PLCH2: variants seen among roughly 807,000 people sequenced by gnomAD.
PLCH2 encodes 1-phosphatidylinositol 4,5-bisphosphate phosphodiesterase eta-2.
Under a neutral mutation model 134.7 loss-of-function variants are expected in PLCH2, and 98 were observed. The observed-to-expected ratio is 0.73, with a 90% CI of 0.62 to 0.86. The LOEUF is 0.86. PLCH2 is among the 40% of genes least tolerant of loss of function. The pLI is 0.00. For missense variants in PLCH2, 1,994 were observed against 1,986.6 expected (o/e 1.00, Z -0.07); for synonymous variants, 974 against 827.5 (o/e 1.18, Z -3.04).
At chr1:2,428,407 C>T (rs867550298) in intron 1 of PLCH2, among the ~76,000 whole-genome samples, 13 of 152,220 alleles carry the variant, frequency 8.5e-5, no homozygotes, top group African/African-American at 1.9e-4. Flanking sequence ...GAAGTAAGGG[C>T]GCCACTCTGG....
At chr1:2,482,131 A>G (rs1327334243) in intron 4 of PLCH2, among the ~76,000 whole-genome samples, 2 of 152,258 alleles carry the variant, frequency 1.3e-5, no homozygotes, top group Non-Finnish European at 2.9e-5. Context: ...TGTGGAAAGA[A>G]AAGATGCCAC....
At chr1:2,502,066 G>A (rs1400793875) in intron 20 of PLCH2, 46 bp from the exon 21 acceptor site, 2 of 1,402,656 alleles carry the variant, frequency 1.4e-6, no homozygotes, top group East Asian at 2.8e-5. Flanking sequence ...AGCTGCAGCT[G>A]GGCTGGGACC....
At position 2,479,985 on chromosome 1, in the gene PLCH2, T is replaced by C. The variant is rs1432246432; in HGVS notation, c.515+8T>C. 3.1e-6 allele frequency: 5 copies of C among 1,601,502 alleles called. No individual in the cohort carries two copies. Among genetic ancestry groups the C allele is most frequent in the Non-Finnish European group, 4.3e-6 (5 of 1,171,698 alleles). On this transcript the variant is annotated splice_region_variant and intron_variant, in intron 3 of 21. Coordinates refer to ENST00000378486, the MANE Select transcript of PLCH2 (RefSeq NM_014638.4). ...CCAGCGCACCAGGGACCAATATCCT[T>C]GGGCACCTATCGGGCAATGCAGACC...
chr1:2,427,310 G>A (rs1340477916), intron 1 of PLCH2, among the ~76,000 whole-genome samples: 8 of 152,104 alleles, frequency 5.3e-5, no homozygotes, highest in Non-Finnish European at 1.2e-4. Context: ...TGGGTCTCTC[G>A]TGGGGGCCCG....
chr1:2,459,245 G>T (rs1201661397), intron 2 of PLCH2, among the ~76,000 whole-genome samples: 1 of 152,268 alleles, frequency 6.6e-6, no homozygotes, highest in Non-Finnish European at 1.5e-5. Flanking sequence ...TGTTTATTTT[G>T]TCTTGTTGGA....
In PLCH2 at chr1:2,439,983, C is replaced by G. The variant is rs72924964; in HGVS notation, c.115+9354C>G. On this transcript the variant is annotated intron_variant, in intron 2 of 3. Transcript: ENST00000609981. The surrounding 1 kb of genome is among the most constrained non-coding windows in gnomAD (Gnocchi z 4.7). ...CCAGGGAGGCTTCCCAGAGGAGGTG[C>G]CTCGTTCCTGACCTTGGAAACCAGG... Among the ~76,000 whole-genome samples the G allele has an allele frequency of 0.043, 6,484 of 152,102 alleles. 501 individuals carry two copies. The highest frequency in any genetic ancestry group is 0.15 in the African/African-American group (6,136 of 41,452).
rs1325855672 is a variant in PLCH2 at position 2,448,889 on chromosome 1, G to C, written c.115+18260G>C. ...GTTCCCAACCACAAGTCACATCACTGCTGCCCCGGAAGGCACCTGGGGCCT... is the reference window on the plus strand; with the variant it reads ...GTTCCCAACCACAAGTCACATCACTCCTGCCCCGGAAGGCACCTGGGGCCT... On this transcript the variant is annotated intron_variant, in intron 2 of 3. Coordinates refer to the PLCH2 transcript ENST00000609981. The surrounding 1 kb of genome is among the most constrained non-coding windows in gnomAD (Gnocchi z 4.0). Among the ~76,000 whole-genome samples the C allele has an allele frequency of 6.6e-6, 1 of 152,188 alleles. No individual in the cohort carries two copies. Among genetic ancestry groups the C allele is most frequent in the Non-Finnish European group, 1.5e-5 (1 of 68,042 alleles).
At chr1:2,419,917 G>A in the PLCH2 span, among the ~76,000 whole-genome samples, 2 of 151,992 alleles carry the variant, frequency 1.3e-5, no homozygotes, top group African/African-American at 2.4e-5. Flanking sequence ...CCTGCTGCCC[G>A]TAGTCGGCTC....
chr1:2,490,726 T>C lies in PLCH2; in HGVS notation c.1516-466T>C, dbSNP rs1463823280. Among the ~76,000 whole-genome samples, 5 of 152,164 alleles carry C rather than the reference T, an allele frequency of 3.3e-5. 1 individual carries two copies. The South Asian group carries it at 6.2e-4, about 19-fold the overall frequency. On this transcript the variant is annotated intron_variant, in intron 10 of 21. Transcript: ENST00000378486. Reference sequence around the variant, plus strand: ...ACGGTGCTCCTGGCTTTGTGCCCACTCCAACCTGGCACCAGGGGCGTCTGA... The same window carrying C: ...ACGGTGCTCCTGGCTTTGTGCCCACCCCAACCTGGCACCAGGGGCGTCTGA...
chr1:2,465,232 A>G (rs1401707493), upstream of PLCH2, among the ~76,000 whole-genome samples: 1 of 152,162 alleles, frequency 6.6e-6, no homozygotes, highest in Non-Finnish European at 1.5e-5. Flanking sequence ...AGATCCAGCC[A>G]GGGCTCACAG....
chr1:2,486,231 C>G (rs1642277725), intron 5 of PLCH2, among the ~76,000 whole-genome samples: 1 of 152,206 alleles, frequency 6.6e-6, no homozygotes, highest in Non-Finnish European at 1.5e-5. Context: ...TCTGTGCACT[C>G]AGGAGCCAGA....
chr1:2,477,907 A>C (rs1396066826), intron 1 of PLCH2, among the ~76,000 whole-genome samples: 1 of 152,186 alleles, frequency 6.6e-6, no homozygotes, highest in African/African-American at 2.4e-5. Flanking sequence ...GACCGCTCCC[A>C]GGAGCCACCT....
intron 2 of PLCH2, among the ~76,000 whole-genome samples, chr1:2,438,886 C>T (rs565395354): frequency 8.3e-4 from 127 of 152,274 alleles, no homozygotes; most frequent in Non-Finnish European, 1.5e-3. Context: ...AGGGGGGAAC[C>T]GGGGCAATTC....
chr1:2,483,219 G>C (rs1223050843), intron 4 of PLCH2, among the ~76,000 whole-genome samples: 1 of 152,220 alleles, frequency 6.6e-6, no homozygotes, highest in Non-Finnish European at 1.5e-5. Context: ...ACACCTGCTG[G>C]CTGGGTGTCG....
chr1:2,459,626 CTCCTT>C (rs1557970279), intron 2 of PLCH2, among the ~76,000 whole-genome samples: 14 of 5,902 alleles, frequency 2.4e-3, no homozygotes, highest in East Asian at 0.014. Flanking sequence ...GCCTGTGGTC[CTCCTT>C]GCCTGTGGTC....
chr1:2,452,879 G>C (rs1039757174), intron 2 of PLCH2, among the ~76,000 whole-genome samples: 6 of 152,336 alleles, frequency 3.9e-5, no homozygotes, highest in African/African-American at 1.4e-4. Context: ...GCTCAGCAGA[G>C]CCTAGAGGAG....
rs41315662 is a variant in PLCH2 at position 2,479,680 on chromosome 1, A to C, written c.272-54A>C. 3,133 of 1,496,156 alleles carry C rather than the reference A, an allele frequency of 2.1e-3. 8 individuals are homozygous for C. Among genetic ancestry groups the C allele is most frequent in the Non-Finnish European group, 2.1e-3 (2,344 of 1,111,914 alleles). 92.7% of individuals were successfully genotyped at this position (1,496,156 alleles called of 1,614,324 possible). A position where few individuals can be genotyped will look rare whatever the true frequency, so the allele number is the denominator to read the frequency against. ...TCTCCGCAGTGTTGGGGCTGCCAGC[A>C]GGGGGACGCTGGGCCCCCGGGGACC... On this transcript the variant is annotated intron_variant, in intron 2 of 21. Transcript: ENST00000378486.
chr1:2,447,511 G>A (rs891817605), intron 2 of PLCH2, among the ~76,000 whole-genome samples: 1 of 152,182 alleles, frequency 6.6e-6, no homozygotes, highest in African/African-American at 2.4e-5. Flanking sequence ...TCCACCAGGG[G>A]AGGCCCCGTG....
intron 12 of PLCH2, 83 bp downstream of exon 12, chr1:2,495,031 C>T (rs1642804945): frequency 1.0e-6 from 1 of 972,464 alleles, no homozygotes; most frequent in South Asian, 1.5e-5. Flanking sequence ...TCCCTGCTCC[C>T]AGTGCCCCGT....
Sources: allele counts gnomAD v4.1 joint callset (sites outside exome capture counted in the v4.1 genomes callset), GRCh38; gene constraint gnomAD v4.1.1; non-coding constraint Gnocchi (gnomAD v3.1); transcripts MANE v1.5; gene names NCBI Gene and HGNC (gene_info 2026-07-23, HGNC 2026-07-21).